The following PRRC2B variants were observed in gnomAD, a reference collection of about 807,000 sequenced individuals.
The protein encoded by PRRC2B is protein PRRC2B.
PRRC2B carries 68 observed loss-of-function variants against 242.3 expected under a neutral mutation model. The ratio of observed to expected loss-of-function variants is 0.28; its 90% CI spans 0.23 to 0.34. The LOEUF is 0.34. Among genes scored for constraint, PRRC2B ranks in the 10% least tolerant of loss-of-function variants. The pLI is 1.00. For missense variants in PRRC2B, 2,835 were observed against 2,954.8 expected (o/e 0.96, Z 0.94); for synonymous variants, 1,228 against 1,173.6 (o/e 1.05, Z -0.95).
chr9:131,490,108 T>C (rs1944145254), intron 28 of PRRC2B, among the ~76,000 whole-genome samples: 1 of 152,098 alleles, frequency 6.6e-6, no homozygotes, highest in Admixed American at 6.5e-5. Context: ...CCAATGGACT[T>C]TCCAGCATGT....
In PRRC2B at chr9:131,475,733, G is replaced by C. The variant is rs901410694; in HGVS notation, c.3604G>C (p.Gly1202Arg). 7.4e-6 allele frequency: 12 copies of C among 1,613,196 alleles called. No individual in the cohort carries two copies. Among genetic ancestry groups the C allele is most frequent in the African/African-American group, 1.3e-5 (1 of 74,936 alleles). ...CAAGAGCCGAGGCCCTCGGGCCTTT[G>C]GGCGAGCCCTCCCTCCCCGGCTGAG... The part of the protein sequence containing the change: ...DAKSRGPRAF[G>R]RALPPRLSNC... Residue 1202 changes from glycine to arginine, a missense_variant, in exon 16 of 32, where the codon GGG (glycine) becomes CGG (arginine). Physicochemically the swap from Gly to Arg is moderately radical, Grantham distance 125 (BLOSUM62 -2). Coordinates refer to ENST00000683519, the MANE Select transcript of PRRC2B (RefSeq NM_013318.4).
chr9:131,482,295 G>T lies in PRRC2B; in HGVS notation c.4984-76G>T, dbSNP rs530219733. The T allele has an allele frequency of 1.4e-5, 21 of 1,456,916 alleles. No individual in the cohort carries two copies. The South Asian group carries it at 2.7e-4, about 19-fold the overall frequency. 90.2% of individuals were successfully genotyped at this position (1,456,916 alleles called of 1,614,324 possible). ...AGGCAGCTGGGGTAGAAAAGTCTCTGTGCCACATGCAGTTTTACTCTCTGG... is the reference window on the plus strand; with the variant it reads ...AGGCAGCTGGGGTAGAAAAGTCTCTTTGCCACATGCAGTTTTACTCTCTGG... On this transcript the variant is annotated intron_variant, in intron 20 of 31. Coordinates refer to ENST00000683519, the MANE Select transcript of PRRC2B (RefSeq NM_013318.4). The surrounding 1 kb of genome is among the most constrained non-coding windows in gnomAD (Gnocchi z 5.2).
At chr9:131,458,046 C>G (rs775106791) in intron 10 of PRRC2B, among the ~76,000 whole-genome samples, 3 of 152,116 alleles carry the variant, frequency 2.0e-5, no homozygotes, top group Non-Finnish European at 4.4e-5. Context: ...CATTGTGAGG[C>G]GTCCAGACGA....
chr9:131,408,112 A>T (rs373759158), intron 1 of PRRC2B, among the ~76,000 whole-genome samples: 5 of 152,170 alleles, frequency 3.3e-5, no homozygotes, highest in African/African-American at 1.2e-4. Context: ...GAAGAAGAGG[A>T]TGGGGTTGTT....
At chr9:131,411,368 A>T (rs1365791571) in intron 1 of PRRC2B, among the ~76,000 whole-genome samples, 4 of 139,318 alleles carry the variant, frequency 2.9e-5, no homozygotes, top group African/African-American at 2.7e-5. Flanking sequence ...TTTTTTTGAG[A>T]CGGAGTCTTG....
intron 1 of PRRC2B, among the ~76,000 whole-genome samples, chr9:131,411,699 T>G (rs897869703): frequency 2.0e-5 from 3 of 151,226 alleles, no homozygotes; most frequent in African/African-American, 7.3e-5. Flanking sequence ...CCACTTAGAT[T>G]CAAAACTTTT....
intron 30 of PRRC2B, among the ~76,000 whole-genome samples, chr9:131,493,080 G>A (rs964674691): frequency 2.6e-5 from 4 of 152,166 alleles, no homozygotes; most frequent in African/African-American, 7.2e-5. Flanking sequence ...CCTGAGGAGC[G>A]CTCTGCAAGC....
At chr9:131,378,887 T>G (rs1391486775) in intron 1 of PRRC2B, among the ~76,000 whole-genome samples, 1 of 152,032 alleles carries the variant, frequency 6.6e-6, no homozygotes, top group East Asian at 1.9e-4. Context: ...CCCGGCTAAT[T>G]TTTGTATTTT....
chr9:131,495,654 G>C lies in PRRC2B; in HGVS notation c.6556-86G>C, dbSNP rs1051961902. The C allele has an allele frequency of 3.4e-6, 5 of 1,460,042 alleles. No individual in the cohort carries two copies. In the African/African-American group the frequency reaches 6.9e-5, roughly 20 times the overall value. The allele number at this position is 1,460,042 out of a possible 1,614,324, so 90.4% of individuals were successfully genotyped here. A position where few individuals can be genotyped will look rare whatever the true frequency, so the allele number is the denominator to read the frequency against. ...TAGGGGAGCTTTCCCTGCAACTCAG[G>C]AGCAGGAAGGGAGTGGTGGGAACTA... On this transcript the variant is annotated intron_variant, in intron 31 of 31. Transcript: ENST00000683519.
At chr9:131,447,245 G>A in intron 8 of PRRC2B, 39 bp downstream of exon 8, 2 of 1,610,218 alleles carry the variant, frequency 1.2e-6, no homozygotes, top group Non-Finnish European at 1.7e-6. Context: ...GTAGAGATGA[G>A]TGCGGTGGTG....
chr9:131,396,203 T>G (rs577814719), intron 1 of PRRC2B, among the ~76,000 whole-genome samples: 1 of 152,248 alleles, frequency 6.6e-6, no homozygotes, highest in East Asian at 1.9e-4. Flanking sequence ...ATGTATGTGT[T>G]TGTTGATTAT....
chr9:131,377,090 A>G (rs1299616868), intron 1 of PRRC2B, among the ~76,000 whole-genome samples: 1 of 152,024 alleles, frequency 6.6e-6, no homozygotes, highest in Non-Finnish European at 1.5e-5. Context: ...TGACTAATAC[A>G]TAACCTTTTC....
At chr9:131,420,483 T>TCTTTCTC (rs1837791701) in intron 1 of PRRC2B, among the ~76,000 whole-genome samples, 1 of 16,682 alleles carries the variant, frequency 6.0e-5, no homozygotes, top group African/African-American at 1.4e-4. Context: ...CTTTCTTTCT[T>TCTTTCTC]TCTTTCTTTC....
rs1943911707 is a variant in PRRC2B at position 131,482,936 on chromosome 9, CTTTT to C, written c.5373+33_5373+36del. The C allele has an allele frequency of 6.4e-7, 1 of 1,570,956 alleles. No individual in the cohort carries two copies. Among genetic ancestry groups the C allele is most frequent in the African/African-American group, 1.4e-5 (1 of 73,768 alleles). ...AGGCTTTGATTTGTTTTCTTGCTTG[CTTTT>C]TTTACTTTTTATTTTGGTACTTGGA... On this transcript the variant is annotated intron_variant, in intron 22 of 31. Transcript: ENST00000683519. This position sits in a 1 kb window ranked among gnomAD's most constrained non-coding sequence, Gnocchi z 5.2.
intron 9 of PRRC2B, among the ~76,000 whole-genome samples, chr9:131,449,524 C>T (rs542957179): frequency 1.3e-5 from 2 of 152,088 alleles, no homozygotes; most frequent in Non-Finnish European, 2.9e-5. Context: ...TTGCATTTTG[C>T]TGATGACTAA....
chr9:131,438,880 T>G, intron 4 of PRRC2B, 109 bp from the exon 5 acceptor site: 1 of 800,372 alleles, frequency 1.2e-6, no homozygotes. Flanking sequence ...TGGATCCGTA[T>G]AGGGTTTGAA....
chr9:131,411,353 GTT>G lies in PRRC2B; in HGVS notation c.-52+17100_-52+17101del, dbSNP rs72214403. Among the ~76,000 whole-genome samples the G allele has an allele frequency of 1.5e-3, 198 of 135,108 alleles. 2 individuals carry two copies. The highest frequency in any genetic ancestry group is 0.01 in the South Asian group (42 of 4,120). 88.6% of individuals were successfully genotyped at this position (135,108 alleles called of 152,430 possible). On this transcript the variant is annotated intron_variant, in intron 1 of 31. Transcript: ENST00000683519. ...TTTGTTTTGTTTTGTTTTTTGTTTT[GTT>G]TTTTTTTTTGAGACGGAGTCTTGCT...
rs559310957 is a variant in PRRC2B, at chr9:131,475,511, C to T, written c.3382C>T (p.Arg1128Trp). Residue 1128 changes from arginine (R) to tryptophan (W), a missense_variant, in exon 16 of 32, where the codon CGG becomes TGG. Around this residue, in one of 7 missense-constraint regions of PRRC2B, gnomAD observed 1,536 missense variants for 1,483.1 expected, o/e 1.04. Transcript: ENST00000683519. ...PEDCPRAKPR[R>W]RVASETHSEG... Reference sequence around the variant, plus strand: ...GGACTGCCCCAGAGCCAAGCCCCGACGGAGAGTTGCCAGTGAGACCCATAG... The same window carrying T: ...GGACTGCCCCAGAGCCAAGCCCCGATGGAGAGTTGCCAGTGAGACCCATAG... 1.3e-5 allele frequency: 21 copies of T among 1,608,814 alleles called. No homozygotes were observed. The highest frequency in any genetic ancestry group is 1.7e-5 in the Admixed American group (1 of 59,368).
chr9:131,401,604 G>A (rs902871432), intron 1 of PRRC2B, among the ~76,000 whole-genome samples: 3 of 151,760 alleles, frequency 2.0e-5, no homozygotes, highest in South Asian at 4.2e-4. Flanking sequence ...GCTTACCTCA[G>A]CCTCCCAAAG....
Sources: gnomAD v4.1 joint callset for allele counts (sites outside exome capture counted in the v4.1 genomes callset) on GRCh38, gnomAD v4.1.1 for gene constraint, gnomAD v4.1.1 regional missense constraint, Gnocchi (gnomAD v3.1) non-coding constraint, MANE v1.5 for transcripts, NCBI Gene and HGNC (gene_info 2026-07-23, HGNC 2026-07-21) for gene names.